The following SPAG16 variants were observed in gnomAD, a reference collection of about 807,000 sequenced individuals.
The protein encoded by SPAG16 is sperm associated antigen 16.
Under a neutral mutation model 80.4 loss-of-function variants are expected in SPAG16, and 86 were observed. That is an observed-to-expected ratio of 1.07 (90% CI 0.90 to 1.28). The LOEUF is 1.28. Among genes scored for constraint, SPAG16 ranks in the 50% most tolerant of loss-of-function variants. The pLI is 0.00. For synonymous variants in SPAG16, 294 were observed against 265.9 expected (o/e 1.11, Z -1.03); for missense variants, 870 against 765.3 (o/e 1.14, Z -1.61).
intron 12 of SPAG16, among the ~76,000 whole-genome samples, chr2:213,973,013 G>T (rs569344519): frequency 6.6e-6 from 1 of 152,246 alleles, no homozygotes; most frequent in Non-Finnish European, 1.5e-5. Flanking sequence ...ACACCTCTCA[G>T]TGTTTGACGA....
At chr2:213,703,798 A>G (rs932951162) in intron 10 of SPAG16, among the ~76,000 whole-genome samples, 1 of 152,172 alleles carries the variant, frequency 6.6e-6, no homozygotes, top group Non-Finnish European at 1.5e-5. Context: ...GTAAAAGGTG[A>G]TCTTTGCTCT....
intron 10 of SPAG16, among the ~76,000 whole-genome samples, chr2:213,805,090 T>C (rs2071685335): frequency 6.6e-6 from 1 of 152,148 alleles, no homozygotes; most frequent in African/African-American, 2.4e-5. Flanking sequence ...GATTGTCAAA[T>C]GTATTTATGG....
At chr2:213,564,453 C>T (rs1429107757) in intron 10 of SPAG16, among the ~76,000 whole-genome samples, 1 of 149,534 alleles carries the variant, frequency 6.7e-6, no homozygotes, top group African/African-American at 2.5e-5. Flanking sequence ...CAAGATTGCA[C>T]CACTGCACTC....
Position 213,498,773 on chromosome 2 carries a change from CCTGTGAGT to C in SPAG16, c.1070+8686_1070+8693del, listed in dbSNP as rs1337141590. Among the ~76,000 whole-genome samples, 4 of 152,228 alleles carry C rather than the reference CCTGTGAGT, an allele frequency of 2.6e-5. No individual in the cohort carries two copies. The East Asian group carries it at 7.7e-4, about 29-fold the overall frequency. ...TCATCCATATGGTCATCTAAGATGA[CCTGTGAGT>C]CTTTTTAACATCCTCTTTACCACTT... On this transcript the variant is annotated intron_variant, in intron 10 of 15. Coordinates refer to ENST00000331683, the MANE Select transcript of SPAG16 (RefSeq NM_024532.5).
In SPAG16 at chr2:213,348,469, GC is replaced by G. The variant is rs547911291; in HGVS notation, c.645-2057del. Among the ~76,000 whole-genome samples the G allele has an allele frequency of 4.5e-4, 68 of 152,244 alleles. No individual in the cohort carries two copies. The East Asian group carries it at 5.8e-3, about 13-fold the overall frequency. Reference sequence around the variant, plus strand: ...CATTAGTTGATGCAGTTTCTTCCTAGCCTCGATGGTCTTTACAAGTTGGCAT... The same window carrying G: ...CATTAGTTGATGCAGTTTCTTCCTAGCTCGATGGTCTTTACAAGTTGGCAT... On this transcript the variant is annotated intron_variant, in intron 6 of 15. Coordinates refer to ENST00000331683, the MANE Select transcript of SPAG16 (RefSeq NM_024532.5).
rs145658094 is a variant in SPAG16 at position 214,292,838 on chromosome 2, G to T, written c.1721-117302G>T. ...ATTTTCCTGAAGATTTATATATGTTGTTGGTTGGGTAGAGAACTTTGGCCT... is the reference window on the plus strand; with the variant it reads ...ATTTTCCTGAAGATTTATATATGTTTTTGGTTGGGTAGAGAACTTTGGCCT... On this transcript the variant is annotated intron_variant, in intron 15 of 15. Transcript: ENST00000331683. Among the ~76,000 whole-genome samples, 560 of 152,258 alleles carry T rather than the reference G, an allele frequency of 3.7e-3. 4 individuals are homozygous for T. The highest frequency in any genetic ancestry group is 0.013 in the African/African-American group (541 of 41,552).
chr2:213,690,418 C>T (rs1274314274), intron 10 of SPAG16, among the ~76,000 whole-genome samples: 1 of 152,358 alleles, frequency 6.6e-6, no homozygotes, highest in Non-Finnish European at 1.5e-5. Flanking sequence ...GAGAGAGACA[C>T]TCCCTCTATC....
In SPAG16 at chr2:214,012,311, C is replaced by T. The variant is rs1197662034; in HGVS notation, c.1401-1640C>T. Among the ~76,000 whole-genome samples, 31 of 12,988 alleles carry T rather than the reference C, an allele frequency of 2.4e-3. 2 individuals carry two copies. The highest frequency in any genetic ancestry group is 0.045 in the Middle Eastern group (1 of 22). 8.5% of individuals were successfully genotyped at this position (12,988 alleles called of 152,430 possible). On this transcript the variant is annotated intron_variant, in intron 12 of 15. Transcript: ENST00000331683. ...ATATTTTTTTTTTTTTTTTTTTTTC[C>T]TCGAGAGGGCATCTCGCTCTGTCAC... is the stretch of plus-strand genomic sequence containing the variant.
At chr2:213,453,919 G>A (rs532786038) in intron 9 of SPAG16, among the ~76,000 whole-genome samples, 6 of 152,234 alleles carry the variant, frequency 3.9e-5, no homozygotes, top group African/African-American at 1.4e-4. Context: ...AAGCAAATTG[G>A]TTCATTGCTG....
At chr2:214,195,324 G>GATAGATAGATAGATAT (rs1553522843) in intron 15 of SPAG16, among the ~76,000 whole-genome samples, 2 of 151,820 alleles carry the variant, frequency 1.3e-5, no homozygotes, top group African/African-American at 4.8e-5. Flanking sequence ...TAGATAGATA[G>GATAGATAGATAGATAT]ATAGATAGAT....
At chr2:213,986,008 C>T (rs1177758078) in intron 12 of SPAG16, among the ~76,000 whole-genome samples, 1 of 152,008 alleles carries the variant, frequency 6.6e-6, no homozygotes, top group East Asian at 1.9e-4. Flanking sequence ...GTTTTTTGCA[C>T]TGTGATGAAT....
intron 15 of SPAG16, among the ~76,000 whole-genome samples, chr2:214,264,181 T>C (rs1219730671): frequency 1.3e-5 from 2 of 152,178 alleles, no homozygotes; most frequent in Non-Finnish European, 2.9e-5. Flanking sequence ...CTCCTCCTAA[T>C]AGGCAAATTG....
At chr2:213,580,760 G>A (rs2060272009) in intron 10 of SPAG16, among the ~76,000 whole-genome samples, 1 of 151,956 alleles carries the variant, frequency 6.6e-6, no homozygotes, top group South Asian at 2.1e-4. Flanking sequence ...TATAATTTCT[G>A]TTCTGTGAAA....
chr2:213,499,564 T>C (rs1195476296), intron 10 of SPAG16, among the ~76,000 whole-genome samples: 2 of 152,182 alleles, frequency 1.3e-5, no homozygotes, highest in African/African-American at 4.8e-5. Context: ...ATAACCTGGC[T>C]ATCACCAGCT....
chr2:213,587,030 A>G (rs1458281326), intron 10 of SPAG16, among the ~76,000 whole-genome samples: 1 of 152,064 alleles, frequency 6.6e-6, no homozygotes, highest in Non-Finnish European at 1.5e-5. Context: ...CCTCTGCAGC[A>G]GCTCTGTGCC....
At chr2:214,095,265 C>T (rs1421386606) in intron 13 of SPAG16, among the ~76,000 whole-genome samples, 1 of 151,938 alleles carries the variant, frequency 6.6e-6, no homozygotes, top group Non-Finnish European at 1.5e-5. Context: ...TCTTTTTTCC[C>T]TAGCTCATCA....
intron 15 of SPAG16, among the ~76,000 whole-genome samples, chr2:214,175,309 A>G (rs1029439010): frequency 3.4e-5 from 5 of 146,276 alleles, no homozygotes; most frequent in Non-Finnish European, 6.0e-5. Context: ...AGAAATATAT[A>G]TATAAAGAAA....
At chr2:214,280,896 C>T (rs1043185319) in intron 15 of SPAG16, 12 of 428,120 alleles carry the variant, frequency 2.8e-5, no homozygotes, top group Non-Finnish European at 4.9e-5. Flanking sequence ...TACTTAGTAG[C>T]ACATGTAATC....
chr2:213,705,667 A>T (rs2065716597), intron 10 of SPAG16, among the ~76,000 whole-genome samples: 1 of 152,172 alleles, frequency 6.6e-6, no homozygotes, highest in African/African-American at 2.4e-5. Flanking sequence ...TGTTCCCCTA[A>T]TTTTCCAATT....
Sources: allele counts gnomAD v4.1 joint callset (sites outside exome capture counted in the v4.1 genomes callset), GRCh38; gene constraint gnomAD v4.1.1; transcripts MANE v1.5; gene names NCBI Gene and HGNC (gene_info 2026-07-23, HGNC 2026-07-21).